Variants in TNK1 observed in about 807,000 individuals in gnomAD.
The protein encoded by TNK1 is tyrosine kinase non receptor 1, also known as non-receptor tyrosine-protein kinase TNK1.
Under a neutral mutation model 65.2 loss-of-function variants are expected in TNK1, and 53 were observed. That is an observed-to-expected ratio of 0.81 (90% CI 0.65 to 1.02). The LOEUF (loss-of-function observed/expected upper bound fraction) is 1.02. Ranked by LOEUF, TNK1 falls within the 50% of genes least tolerant of loss-of-function variation. TNK1 has a pLI of 0.00. For synonymous variants in TNK1, 353 were observed against 364.6 expected (o/e 0.97, Z 0.36); for missense variants, 837 against 878.4 (o/e 0.95, Z 0.60).
At position 7,384,734 on chromosome 17, in the gene TNK1, C is replaced by G; in HGVS notation, c.1117C>G (p.Leu373Val). 1 of 1,580,640 alleles carries G rather than the reference C, an allele frequency of 6.3e-7. No homozygotes were observed. Among genetic ancestry groups the G allele is most frequent in the Non-Finnish European group, 8.6e-7 (1 of 1,168,648 alleles). Residue 373 changes from leucine to valine, a missense_variant, in exon 7 of 13, where the codon CTG (leucine) becomes GTG (valine). Physicochemically the swap from Leu to Val is conservative, Grantham distance 32. Coordinates refer to ENST00000688331, the MANE Select transcript of TNK1 (RefSeq NM_003985.6). ...TGCCGACCGGCCTAGCTTTTCCCACCTGGAGGGGCTGCTGCAAGAGGTGGG... is the reference window on the plus strand; with the variant it reads ...TGCCGACCGGCCTAGCTTTTCCCACGTGGAGGGGCTGCTGCAAGAGGTGGG... Reference protein sequence around the residue: ...HPADRPSFSHLEGLLQEAGPS... With the variant: ...HPADRPSFSHVEGLLQEAGPS...
chr17:7,380,228 G>C (rs546109126), upstream of TNK1, among the ~76,000 whole-genome samples: 1 of 152,318 alleles, frequency 6.6e-6, no homozygotes, highest in African/African-American at 2.4e-5. Context: ...TTCCCTCCAA[G>C]GGACCCTTGG....
Position 7,389,137 on chromosome 17 carries a change from G to T in TNK1, c.*53G>T. 1 of 1,443,448 alleles carries T rather than the reference G, an allele frequency of 6.9e-7. No homozygotes were observed. The highest frequency in any genetic ancestry group is 1.2e-5 in the South Asian group (1 of 81,906). The allele number at this position is 1,443,448 out of a possible 1,614,324, so 89.4% of individuals were successfully genotyped here. A position where few individuals can be genotyped will look rare whatever the true frequency, so the allele number is the denominator to read the frequency against. On this transcript the variant is annotated 3_prime_UTR_variant, in exon 13 of 13. Coordinates refer to ENST00000688331, the MANE Select transcript of TNK1 (RefSeq NM_003985.6). ...GCATGAAAAGCCTAGGCCCCTGAGG[G>T]CCTGGCCACATGGGACCAAGCGGAA...
Position 7,383,037 on chromosome 17 carries a change from CT to C in TNK1, c.113del (p.Phe38SerfsTer4). Reference sequence around the variant, plus strand: ...AGCTTAATGTCACTCGGCCAGAGCACTTCGACTTTGTAAAGCCTGAGGACCT... The same window carrying C: ...AGCTTAATGTCACTCGGCCAGAGCACTCGACTTTGTAAAGCCTGAGGACCT... ...EELNVTRPEH[F>X]DFVKPEDLDG... On this transcript the variant is annotated frameshift_variant, in exon 2 of 13. Transcript: ENST00000688331. LOFTEE classifies it high-confidence loss of function. The C allele has an allele frequency of 6.2e-7, 1 of 1,614,060 alleles. No individual in the cohort carries two copies. Among genetic ancestry groups the C allele is most frequent in the South Asian group, 1.1e-5 (1 of 91,084 alleles).
At position 7,384,204 on chromosome 17, in the gene TNK1, GC is replaced by G; in HGVS notation, c.820del (p.Arg274GlyfsTer38). The G allele has an allele frequency of 6.6e-7, 1 of 1,521,232 alleles. No homozygotes were observed. 94.2% of individuals were successfully genotyped at this position (1,521,232 alleles called of 1,614,324 possible). ...CGGGCTGGTGCGGCCTCTGGGCGGTGCCCGGGGCCGCTACGTCATGGGCGGG... is the reference window on the plus strand; with the variant it reads ...CGGGCTGGTGCGGCCTCTGGGCGGTGCCGGGGCCGCTACGTCATGGGCGGG... Reference protein sequence around the residue: ...DFGLVRPLGGARGRYVMGGPR... With the variant: ...DFGLVRPLGGXRGRYVMGGPR... On this transcript the variant is annotated frameshift_variant, in exon 6 of 13. Transcript: ENST00000688331. LOFTEE classifies it high-confidence loss of function.
intron 1 of TNK1, among the ~76,000 whole-genome samples, chr17:7,381,789 T>G (rs1904828117): frequency 6.6e-6 from 1 of 152,214 alleles, no homozygotes; most frequent in South Asian, 2.1e-4. Flanking sequence ...TACCTCGATG[T>G]CTGTGTGTTG....
chr17:7,388,486 C>A lies in TNK1; in HGVS notation c.1558C>A (p.Gln520Lys), dbSNP rs1905333929. The A allele has an allele frequency of 6.2e-7, 1 of 1,613,844 alleles. No individual in the cohort carries two copies. Among genetic ancestry groups the A allele is most frequent in the East Asian group, 2.2e-5 (1 of 44,888 alleles). ...GGGSSPPEIR[Q>K]ARAVPQGPPG... ...TGGTTCAAGCCCCCCTGAAATTCGA[C>A]AAGCCAGAGCTGTGCCCCAGGGACC... The change falls in exon 11 of 13, where the codon CAA becomes AAA. Residue 520 changes from glutamine to lysine, a missense_variant. Coordinates refer to ENST00000688331, the MANE Select transcript of TNK1 (RefSeq NM_003985.6). This position sits in a 1 kb window ranked among gnomAD's most constrained non-coding sequence, Gnocchi z 4.5.
chr17:7,383,266 CGA>C lies in TNK1; in HGVS notation c.181_182del (p.Glu61SerfsTer10), dbSNP rs1230629045. 2 of 1,613,898 alleles carry C rather than the reference CGA, an allele frequency of 1.2e-6. No homozygotes were observed. The highest frequency in any genetic ancestry group is 1.7e-6 in the Non-Finnish European group (2 of 1,179,906). ...MGRPAQRRLSEALKRLRSGPK... is the reference protein window; with the variant it reads ...MGRPAQRRLSXALKRLRSGPK... ...CTCCCACAGCCCAGCGCAGACTGTCCGAAGCTCTGAAAAGGCTACGTTCTGGG... is the reference window on the plus strand; with the variant it reads ...CTCCCACAGCCCAGCGCAGACTGTCCAGCTCTGAAAAGGCTACGTTCTGGG... On this transcript the variant is annotated frameshift_variant, in exon 3 of 13. Transcript: ENST00000688331. LOFTEE classifies it high-confidence loss of function.
chr17:7,387,303 T>G, intron 9 of TNK1, 75 bp from the exon 10 acceptor site: 2 of 1,537,786 alleles, frequency 1.3e-6, no homozygotes, highest in Non-Finnish European at 1.8e-6. Context: ...CCCTGTGAGT[T>G]TTTTTGGGAG....
chr17:7,384,685 C>A lies in TNK1; in HGVS notation c.1068C>A (p.Ala356=). 1 of 1,596,716 alleles carries A rather than the reference C, an allele frequency of 6.3e-7. No individual in the cohort carries two copies. Among genetic ancestry groups the A allele is most frequent in the South Asian group, 1.1e-5 (1 of 88,172 alleles). ...GCTCCAGGGCCCTCTACTCCCTCGC[C>A]TTGCGCTGCTGGGCCCCCCACCCTG... The part of the protein sequence containing the change: ...PLCSRALYSL[A]LRCWAPHPAD... The change falls in exon 7 of 13, where the codon GCC becomes GCA. Residue 356 remains alanine (A), a synonymous_variant. Coordinates refer to ENST00000688331, the MANE Select transcript of TNK1 (RefSeq NM_003985.6).
In TNK1 at chr17:7,383,479, C is replaced by T. The variant is rs1291742593; in HGVS notation, c.289C>T (p.Pro97Ser). 1.5e-5 allele frequency: 24 copies of T among 1,613,810 alleles called. No individual in the cohort carries two copies. Among genetic ancestry groups the T allele is most frequent in the Non-Finnish European group, 2.0e-5 (24 of 1,179,900 alleles). The change falls in exon 4 of 13, where the codon CCA (proline) becomes TCA (serine). Residue 97 changes from proline to serine, a missense_variant. Coordinates refer to ENST00000688331, the MANE Select transcript of TNK1 (RefSeq NM_003985.6). ...HKEPTLPSDS[P>S]RHLPEPEGGL... ...GGAGCCCACCCTGCCCTCGGACAGC[C>T]CACGGCACCTCCCTGAGCCAGAGGG... is the stretch of plus-strand genomic sequence containing the variant.
At position 7,387,150 on chromosome 17, in the gene TNK1, G is replaced by A; in HGVS notation, c.1393G>A (p.Asp465Asn). Residue 465 changes from aspartate (D) to asparagine (N), a missense_variant, in exon 9 of 13, where the codon GAT becomes AAT. Transcript: ENST00000688331. ...GGGAGATCAACACCCAGGAAGCATAGATGGGTGAGGACCTGAAAGGGTGAG... is the reference window on the plus strand; with the variant it reads ...GGGAGATCAACACCCAGGAAGCATAAATGGGTGAGGACCTGAAAGGGTGAG... ...ARGDQHPGSI[D>N]GDRKKANLWD... 6.3e-7 allele frequency: 1 copy of A among 1,583,422 alleles called. No homozygotes were observed. The highest frequency in any genetic ancestry group is 1.1e-5 in the South Asian group (1 of 87,074).
At chr17:7,380,372 G>A (rs761095293), upstream of TNK1, among the ~76,000 whole-genome samples, 7 of 152,212 alleles carry the variant, frequency 4.6e-5, no homozygotes, top group Non-Finnish European at 1.0e-4. Flanking sequence ...CTTCTTCAAG[G>A]TCCTGGACTT....
In TNK1 at chr17:7,389,248, G is replaced by C; in HGVS notation, c.*164G>C. On this transcript the variant is annotated 3_prime_UTR_variant, in exon 13 of 13. Transcript: ENST00000688331. ...CACATGGAGGAGGAGCCCAGAGTTG[G>C]GCACTGGCAAATGTCTCCTCCCTCC... The C allele has an allele frequency of 3.3e-6, 2 of 612,364 alleles. No homozygotes were observed. The highest frequency in any genetic ancestry group is 4.0e-5 in the South Asian group (2 of 49,868). The allele number at this position is 612,364 out of a possible 1,614,324, so 37.9% of individuals were successfully genotyped here. A position where few individuals can be genotyped will look rare whatever the true frequency, so the allele number is the denominator to read the frequency against.
In TNK1 at chr17:7,384,245, C is replaced by G; in HGVS notation, c.858C>G (p.Pro286=). ...TCATGGGCGGGCCCCGCCCTATCCCCTACGCCTGGTGAGAGCGGGTCCGCG... is the reference window on the plus strand; with the variant it reads ...TCATGGGCGGGCCCCGCCCTATCCCGTACGCCTGGTGAGAGCGGGTCCGCG... The part of the protein sequence containing the change: ...RYVMGGPRPI[P]YAWCAPESLR... Residue 286 remains proline, a synonymous_variant, in exon 6 of 13, where the codon CCC becomes CCG. Transcript: ENST00000688331. The G allele has an allele frequency of 6.8e-7, 1 of 1,478,822 alleles. No homozygotes were observed. The highest frequency in any genetic ancestry group is 1.3e-5 in the South Asian group (1 of 75,652). The allele number at this position is 1,478,822 out of a possible 1,614,324, so 91.6% of individuals were successfully genotyped here. A position where few individuals can be genotyped will look rare whatever the true frequency, so the allele number is the denominator to read the frequency against.
Position 7,386,564 on chromosome 17 carries a change from G to A in TNK1, c.1141G>A (p.Gly381Arg), listed in dbSNP as rs202045448. 171 of 1,599,644 alleles carry A rather than the reference G, an allele frequency of 1.1e-4. No individual in the cohort carries two copies. Among genetic ancestry groups the A allele is most frequent in the Non-Finnish European group, 1.4e-4 (166 of 1,173,214 alleles). ...SHLEGLLQEA[G>R]PSEACCVRDV... ...CCCTTTCCTCTTGTCTCCACAGGCC[G>A]GGCCTTCGGAAGCATGTTGTGTGAG... is the stretch of plus-strand genomic sequence containing the variant. The change falls in exon 8 of 13, where the codon GGG becomes AGG. Residue 381 changes from glycine (G) to arginine (R), a missense_variant. By Grantham distance (125) the Gly-to-Arg change is moderately radical (BLOSUM62 -2). Coordinates refer to ENST00000688331, the MANE Select transcript of TNK1 (RefSeq NM_003985.6).
rs936754620 is a variant in TNK1 at position 7,382,567 on chromosome 17, G to A, written c.-91-269G>A. ...CACTGCGTAGCTCAGGTCTAAAAGG[G>A]CAGTGTTTCTGGGTGTCCGGGTGTG... On this transcript the variant is annotated intron_variant, in intron 1 of 12. Transcript: ENST00000688331. The surrounding 1 kb of genome is among the most constrained non-coding windows in gnomAD (Gnocchi z 4.1). Among the ~76,000 whole-genome samples, 1 of 152,166 alleles carries A rather than the reference G, an allele frequency of 6.6e-6. No homozygotes were observed. Among genetic ancestry groups the A allele is most frequent in the Non-Finnish European group, 1.5e-5 (1 of 68,026 alleles).
At position 7,388,035 on chromosome 17, in the gene TNK1, G is replaced by C. The variant is rs1252554967; in HGVS notation, c.1478-371G>C. ...GGCCTTGGTGTCCACTTGCCCATCT[G>C]TCTTATTGTCCCACCTGACACATGA... On this transcript the variant is annotated intron_variant, in intron 10 of 12. Coordinates refer to ENST00000688331, the MANE Select transcript of TNK1 (RefSeq NM_003985.6). The surrounding 1 kb of genome is among the most constrained non-coding windows in gnomAD (Gnocchi z 4.5). Among the ~76,000 whole-genome samples, 8 of 152,186 alleles carry C rather than the reference G, an allele frequency of 5.3e-5. No homozygotes were observed. Among genetic ancestry groups the C allele is most frequent in the Non-Finnish European group, 1.0e-4 (7 of 68,036 alleles).
intron 5 of TNK1, 46 bp from the exon 6 acceptor site, chr17:7,383,924 G>A (rs1418928696): frequency 6.5e-7 from 1 of 1,549,892 alleles, no homozygotes; most frequent in East Asian, 2.4e-5. Flanking sequence ...TGGGCGGCCA[G>A]GGTCCAATGG....
Position 7,387,391 on chromosome 17 carries a change from G to A in TNK1, c.1411G>A (p.Ala471Thr), listed in dbSNP as rs1400061503. Residue 471 changes from alanine to threonine, a missense_variant, in exon 10 of 13, where the codon GCA becomes ACA. Coordinates refer to ENST00000688331, the MANE Select transcript of TNK1 (RefSeq NM_003985.6). ...PGSIDGDRKK[A>T]NLWDAPPARG... ...CCTCTCCGACAGAGACAGAAAGAAG[G>A]CAAATCTTTGGGATGCGCCCCCAGC... 1.4e-5 allele frequency: 22 copies of A among 1,605,808 alleles called. No homozygotes were observed. The highest frequency in any genetic ancestry group is 1.8e-5 in the Non-Finnish European group (21 of 1,176,456).
Sources: allele counts gnomAD v4.1 joint callset (sites outside exome capture counted in the v4.1 genomes callset), GRCh38; gene constraint gnomAD v4.1.1; non-coding constraint Gnocchi (gnomAD v3.1); transcripts MANE v1.5; gene names NCBI Gene and HGNC (gene_info 2026-07-23, HGNC 2026-07-21).